The following VAV1 variants were observed in gnomAD, a reference collection of about 807,000 sequenced individuals.
VAV1 encodes the protein vav guanine nucleotide exchange factor 1.
Under a neutral mutation model 128.1 loss-of-function variants are expected in VAV1, and 33 were observed. That is an observed-to-expected ratio of 0.26 (90% confidence interval 0.20 to 0.34). VAV1 has a LOEUF of 0.34. Ranked by LOEUF, VAV1 falls within the 10% of genes least tolerant of loss-of-function variation. The pLI is 1.00. For synonymous variants in VAV1, 394 were observed against 409.8 expected (o/e 0.96, Z 0.47); for missense variants, 715 against 1,093.7 (o/e 0.65, Z 4.88).
At chr19:6,829,994 T>C (rs1408551265) in intron 14 of VAV1, 76 bp downstream of exon 14, 2 of 1,599,872 alleles carry the variant, frequency 1.3e-6, no homozygotes, top group African/African-American at 2.7e-5. Flanking sequence ...GGCATGTGCC[T>C]GTTTGCCAGA....
intron 1 of VAV1, among the ~76,000 whole-genome samples, chr19:6,807,388 T>C (rs1971417411): frequency 6.6e-6 from 1 of 151,968 alleles, no homozygotes; most frequent in African/African-American, 2.4e-5. Context: ...CCCTCACATG[T>C]GGAGTTCACA....
chr19:6,799,656 G>C (rs781159708), intron 1 of VAV1, among the ~76,000 whole-genome samples: 7 of 151,932 alleles, frequency 4.6e-5, no homozygotes, highest in Non-Finnish European at 8.8e-5. Context: ...GTTGAGGTTT[G>C]AATTACTGAT....
At chr19:6,852,821 T>G in intron 24 of VAV1, 144 bp from the exon 25 acceptor site, 4 of 564,674 alleles carry the variant, frequency 7.1e-6, no homozygotes, top group East Asian at 6.5e-5. Flanking sequence ...CTCCCCATCA[T>G]GGGGAGTATT....
intron 26 of VAV1, among the ~76,000 whole-genome samples, chr19:6,855,549 A>G (rs905626495): frequency 8.6e-5 from 13 of 151,994 alleles, no homozygotes; most frequent in African/African-American, 2.7e-4. Flanking sequence ...CTATCTAACC[A>G]TCTATCCACC....
chr19:6,792,013 G>C lies in VAV1; in HGVS notation c.204+19002G>C, dbSNP rs141236402. ...TATGGGGATGTGTGTGGAACTTAAGGGGGGGATGGGAAATCCTTGGAGCAT... is the reference window on the plus strand; with the variant it reads ...TATGGGGATGTGTGTGGAACTTAAGCGGGGGATGGGAAATCCTTGGAGCAT... On this transcript the variant is annotated intron_variant, in intron 1 of 26. Coordinates refer to ENST00000602142, the MANE Select transcript of VAV1 (RefSeq NM_005428.4). Among the ~76,000 whole-genome samples the C allele has an allele frequency of 3.0e-4, 46 of 152,120 alleles. 1 individual carries two copies. In the East Asian group the frequency reaches 7.5e-3, roughly 25 times the overall value.
intron 1 of VAV1, among the ~76,000 whole-genome samples, chr19:6,801,272 G>C (rs556325992): frequency 6.6e-6 from 1 of 152,320 alleles, no homozygotes; most frequent in African/African-American, 2.4e-5. Context: ...ATTGGGTCAA[G>C]TATTTTCATT....
At chr19:6,854,334 C>A (rs1417557178) in intron 26 of VAV1, among the ~76,000 whole-genome samples, 1 of 152,172 alleles carries the variant, frequency 6.6e-6, no homozygotes, top group Non-Finnish European at 1.5e-5. Context: ...GAAACAAGCA[C>A]GGTACAAGGA....
At chr19:6,782,093 G>A (rs903414208) in intron 1 of VAV1, among the ~76,000 whole-genome samples, 17 of 152,244 alleles carry the variant, frequency 1.1e-4, no homozygotes, top group Admixed American at 7.2e-4. Flanking sequence ...CACTTCGGGA[G>A]GCTGAGGTGG....
In VAV1 at chr19:6,833,362, G is replaced by A. The variant is rs945637718; in HGVS notation, c.1610+77G>A. The A allele has an allele frequency of 2.0e-5, 30 of 1,478,236 alleles. No homozygotes were observed. In the Admixed American group the frequency reaches 6.1e-4, roughly 30 times the overall value. The allele number at this position is 1,478,236 out of a possible 1,614,324, so 91.6% of individuals were successfully genotyped here. On this transcript the variant is annotated intron_variant, in intron 16 of 26. Transcript: ENST00000602142. Reference sequence around the variant, plus strand: ...TGCTAGAGAAGATGGCCTAGTAATTGGTTCCCTAAATTGGGAGATGGGGGA... The same window carrying A: ...TGCTAGAGAAGATGGCCTAGTAATTAGTTCCCTAAATTGGGAGATGGGGGA...
intron 1 of VAV1, among the ~76,000 whole-genome samples, chr19:6,794,565 C>T (rs78412113): frequency 0.018 from 2,685 of 152,128 alleles, 30 homozygotes; most frequent in South Asian, 0.06. Context: ...AGACCAATGC[C>T]GTTGAGAGGA....
chr19:6,856,563 A>T (rs567639637), intron 26 of VAV1, among the ~76,000 whole-genome samples: 3 of 150,752 alleles, frequency 2.0e-5, no homozygotes, highest in Non-Finnish European at 3.0e-5. Context: ...CTCTACTAAA[A>T]ATACAAAAAA....
At chr19:6,810,472 G>A (rs956702747) in intron 1 of VAV1, among the ~76,000 whole-genome samples, 2 of 152,134 alleles carry the variant, frequency 1.3e-5, no homozygotes, top group African/African-American at 2.4e-5. Context: ...GAGAGGCAGA[G>A]GTGGGTGGAT....
intron 3 of VAV1, 46 bp downstream of exon 3, chr19:6,821,726 C>T (rs371945414): frequency 1.2e-6 from 2 of 1,613,832 alleles, no homozygotes; most frequent in Non-Finnish European, 1.7e-6. Flanking sequence ...CAGTCCTCCC[C>T]CTCCCTGAAG....
chr19:6,833,348 A>G, intron 16 of VAV1, 63 bp downstream of exon 16: 1 of 1,514,844 alleles, frequency 6.6e-7, no homozygotes, highest in Non-Finnish European at 9.0e-7. Flanking sequence ...GCTAGAGAAG[A>G]TGGCCTAGTA....
intron 1 of VAV1, among the ~76,000 whole-genome samples, chr19:6,776,023 T>C (rs988712564): frequency 6.6e-6 from 1 of 152,048 alleles, no homozygotes; most frequent in African/African-American, 2.4e-5. Flanking sequence ...CACTCATTCA[T>C]CCACTCATCT....
intron 19 of VAV1, 132 bp downstream of exon 19, chr19:6,834,085 C>T (rs996119057): frequency 5.2e-5 from 70 of 1,335,394 alleles, no homozygotes; most frequent in Non-Finnish European, 6.8e-5. Context: ...ACCTGTAATC[C>T]CAACAATTTG....
chr19:6,815,316 A>AT (rs1971622526), intron 1 of VAV1, among the ~76,000 whole-genome samples: 2 of 151,592 alleles, frequency 1.3e-5, no homozygotes, highest in Admixed American at 1.3e-4. Context: ...TAATTTTTGT[A>AT]TTTTTTGCAG....
At position 6,825,449 on chromosome 19, in the gene VAV1, T is replaced by C. The variant is rs554565555; in HGVS notation, c.827+43T>C. 3.0e-5 allele frequency: 47 copies of C among 1,555,148 alleles called. No homozygotes were observed. In the African/African-American group the frequency reaches 5.8e-4, roughly 19 times the overall value. On this transcript the variant is annotated intron_variant, in intron 8 of 26. Coordinates refer to ENST00000602142, the MANE Select transcript of VAV1 (RefSeq NM_005428.4). ...AGACTGAAGCTCTGGGGTCACTCTG[T>C]CTTGCCTAGGCTGGGCATCTGAGAG... is the stretch of plus-strand genomic sequence containing the variant.
intron 3 of VAV1, 42 bp from the exon 4 acceptor site, chr19:6,821,749 C>T: frequency 1.9e-6 from 3 of 1,613,710 alleles, no homozygotes; most frequent in Non-Finnish European, 2.5e-6. Flanking sequence ...CCACTTCTAC[C>T]CAGCCCCCAG....
Sources: gnomAD v4.1 joint callset for allele counts (sites outside exome capture counted in the v4.1 genomes callset) on GRCh38, gnomAD v4.1.1 for gene constraint, MANE v1.5 for transcripts, NCBI Gene and HGNC (gene_info 2026-07-23, HGNC 2026-07-21) for gene names.